CSMD1: variants seen among roughly 807,000 people sequenced by gnomAD.
CSMD1 encodes the protein CUB and Sushi multiple domains 1.
Under a neutral mutation model 417.5 loss-of-function variants are expected in CSMD1, and 213 were observed. The ratio of observed to expected loss-of-function variants is 0.51; its 90% CI spans 0.46 to 0.57. The LOEUF (loss-of-function observed/expected upper bound fraction) is 0.57. CSMD1 is among the 20% of genes least tolerant of loss of function. CSMD1 has a pLI of 0.00. For synonymous variants in CSMD1, 2,862 were observed against 1,736.8 expected (o/e 1.65, Z -16.11); for missense variants, 6,923 against 4,529.7 (o/e 1.53, Z -15.17).
At chr8:4,467,695 A>G (rs1352693889) in intron 2 of CSMD1, among the ~76,000 whole-genome samples, 1 of 152,218 alleles carries the variant, frequency 6.6e-6, no homozygotes, top group Non-Finnish European at 1.5e-5. Flanking sequence ...AGGGTTGGAC[A>G]AGCTATTATC....
intron 3 of CSMD1, among the ~76,000 whole-genome samples, chr8:4,135,737 T>G (rs1376525398): frequency 6.6e-6 from 1 of 152,158 alleles, no homozygotes; most frequent in East Asian, 1.9e-4. Context: ...CAATTTATCA[T>G]TTAAAGAATT....
At chr8:4,260,899 A>G (rs962993822) in intron 3 of CSMD1, among the ~76,000 whole-genome samples, 8 of 152,190 alleles carry the variant, frequency 5.3e-5, no homozygotes, top group African/African-American at 1.9e-4. Flanking sequence ...ATATTATGAT[A>G]GGAACACCAC....
At chr8:3,021,682 G>A (rs185244598) in intron 51 of CSMD1, among the ~76,000 whole-genome samples, 170 of 115,342 alleles carry the variant, frequency 1.5e-3, no homozygotes, top group African/African-American at 5.0e-3. Flanking sequence ...CACAGCGTCC[G>A]GAATGCACCT....
intron 2 of CSMD1, among the ~76,000 whole-genome samples, chr8:4,511,802 T>A (rs1033208135): frequency 2.0e-5 from 3 of 152,076 alleles, no homozygotes; most frequent in African/African-American, 7.2e-5. Flanking sequence ...TCATCAGGGG[T>A]CTACACATTA....
chr8:4,276,099 G>C (rs905804405), intron 3 of CSMD1, among the ~76,000 whole-genome samples: 1 of 152,132 alleles, frequency 6.6e-6, no homozygotes, highest in Non-Finnish European at 1.5e-5. Flanking sequence ...AATACCATTT[G>C]ACCCAGCAAT....
chr8:3,723,444 G>A (rs1302498944), intron 6 of CSMD1, among the ~76,000 whole-genome samples: 1 of 152,156 alleles, frequency 6.6e-6, no homozygotes, highest in African/African-American at 2.4e-5. Flanking sequence ...TTATCCAAGA[G>A]CATAGATCAT....
At chr8:3,838,538 T>TCTGTAG (rs1358046041) in intron 5 of CSMD1, among the ~76,000 whole-genome samples, 1,891 of 132,996 alleles carry the variant, frequency 0.014, 60 homozygotes, top group African/African-American at 0.039. Context: ...ATATATAGTC[T>TCTGTAG]ATATATGTAC....
chr8:3,669,819 G>C (rs752998803), intron 7 of CSMD1, among the ~76,000 whole-genome samples: 2 of 152,154 alleles, frequency 1.3e-5, no homozygotes, highest in African/African-American at 2.4e-5. Flanking sequence ...AGCCAATTCA[G>C]AGAACAGGAC....
intron 3 of CSMD1, among the ~76,000 whole-genome samples, chr8:4,156,262 T>A (rs921284909): frequency 6.6e-6 from 1 of 152,262 alleles, no homozygotes; most frequent in East Asian, 1.9e-4. Context: ...ACTTTTTAAT[T>A]ATGGCTAAAG....
chr8:4,447,020 G>A (rs1798851100), intron 2 of CSMD1, among the ~76,000 whole-genome samples: 1 of 152,026 alleles, frequency 6.6e-6, no homozygotes, highest in East Asian at 1.9e-4. Context: ...GGAAGGGATT[G>A]TGGAGTTAAC....
intron 3 of CSMD1, among the ~76,000 whole-genome samples, chr8:4,418,974 T>G (rs145116960): frequency 0.01 from 1,535 of 152,310 alleles, 23 homozygotes; most frequent in Middle Eastern, 0.068. Flanking sequence ...AAAGAGAACC[T>G]TCTACACTGT....
chr8:4,955,896 A>G (rs1291596556), intron 1 of CSMD1, among the ~76,000 whole-genome samples: 1 of 152,206 alleles, frequency 6.6e-6, no homozygotes, highest in Non-Finnish European at 1.5e-5. Flanking sequence ...TAAACTTCAG[A>G]GGCAAAAAAT....
intron 5 of CSMD1, among the ~76,000 whole-genome samples, chr8:3,861,156 C>T (rs1585103818): frequency 6.6e-6 from 1 of 152,134 alleles, no homozygotes; most frequent in African/African-American, 2.4e-5. Flanking sequence ...AACACACTGT[C>T]CTTGGTTCCT....
intron 12 of CSMD1, among the ~76,000 whole-genome samples, chr8:3,454,121 A>T (rs1017074169): frequency 1.3e-5 from 2 of 152,120 alleles, no homozygotes; most frequent in African/African-American, 4.8e-5. Flanking sequence ...TTTATCAGAG[A>T]CTAGGATTGC....
chr8:4,516,996 C>T (rs147010972), intron 2 of CSMD1, among the ~76,000 whole-genome samples: 189 of 152,196 alleles, frequency 1.2e-3, no homozygotes, highest in African/African-American at 3.7e-3. Flanking sequence ...GCAGTGTTAA[C>T]GGACTATATC....
At chr8:4,725,627 TG>T (rs1327266670) in intron 1 of CSMD1, among the ~76,000 whole-genome samples, 9 of 152,166 alleles carry the variant, frequency 5.9e-5, no homozygotes, top group African/African-American at 2.2e-4. Context: ...AGAAGCCTCT[TG>T]AAACCACAGC....
At chr8:3,627,206 G>A (rs1230042995) in intron 7 of CSMD1, among the ~76,000 whole-genome samples, 1 of 152,060 alleles carries the variant, frequency 6.6e-6, no homozygotes. Context: ...TTTTGCAGAC[G>A]CAAAATTGAG....
chr8:3,625,653 A>C (rs1281548805), intron 7 of CSMD1, among the ~76,000 whole-genome samples: 1 of 151,486 alleles, frequency 6.6e-6, no homozygotes, highest in Middle Eastern at 3.4e-3. Flanking sequence ...ATGATACACT[A>C]AAAAAAATAA....
intron 1 of CSMD1, among the ~76,000 whole-genome samples, chr8:4,918,834 G>GAT (rs1490470941): frequency 6.6e-6 from 1 of 152,006 alleles, no homozygotes; most frequent in Non-Finnish European, 1.5e-5. Context: ...CATATATGCA[G>GAT]ATATATATTG....
Sources: gnomAD v4.1 joint callset for allele counts (sites outside exome capture counted in the v4.1 genomes callset) on GRCh38, gnomAD v4.1.1 for gene constraint, MANE v1.5 for transcripts, NCBI Gene and HGNC (gene_info 2026-07-23, HGNC 2026-07-21) for gene names.